Variants in ROCK2 observed in about 807,000 individuals in gnomAD.
ROCK2 encodes the protein Rho associated coiled-coil containing protein kinase 2.
In ROCK2, 61 loss-of-function variants were observed where a neutral mutation model predicts 195.1. That is an observed-to-expected ratio of 0.31 (90% CI 0.25 to 0.39). The LOEUF is 0.39. ROCK2 is among the 10% of genes least tolerant of loss of function. The pLI is 1.00. For missense variants in ROCK2, 1,109 were observed against 1,637.4 expected (o/e 0.68, Z 5.57); for synonymous variants, 504 against 545.5 (o/e 0.92, Z 1.06).
rs1664379265 is a variant in ROCK2 at position 11,215,076 on chromosome 2, G to T, written c.1700C>A (p.Thr567Asn). The T allele has an allele frequency of 6.2e-7, 1 of 1,613,888 alleles. No homozygotes were observed. Among genetic ancestry groups the T allele is most frequent in the Admixed American group, 1.7e-5 (1 of 59,990 alleles). ...AGACTCTGTTCGCAGTAAAGCATTG[G>T]TTTCATCCAGCTGTTATTCCATTCA... The part of the protein sequence containing the change: ...VNQLQRQLDE[T>N]NALLRTESDT... The change falls in exon 16 of 33, where the codon ACC (threonine) becomes AAC (asparagine). Residue 567 changes from threonine (T) to asparagine (N), a missense_variant. By Grantham distance (65) the Thr-to-Asn change is moderately conservative. Transcript: ENST00000315872.
intron 8 of ROCK2, 87 bp downstream of exon 8, chr2:11,221,996 T>A: frequency 3.9e-6 from 3 of 778,012 alleles, no homozygotes; most frequent in Middle Eastern, 4.9e-4. Flanking sequence ...TTAAGTGTTA[T>A]CAAATATGCT....
In ROCK2 at chr2:11,310,740, G is replaced by C. The variant is rs962599283; in HGVS notation, c.142-23004C>G. On this transcript the variant is annotated intron_variant, in intron 1 of 32. Transcript: ENST00000315872. ...AAGCTCAATTGAAGAAAGAATCATA[G>C]GTTGTATATACAACCTATGTCTGTT... 2.0e-5 allele frequency among the ~76,000 whole-genome samples: 3 copies of C among 151,548 alleles called. No homozygotes were observed. The South Asian group carries it at 6.3e-4, about 32-fold the overall frequency.
At position 11,244,226 on chromosome 2, in the gene ROCK2, T is replaced by C. The variant is rs552013804; in HGVS notation, c.462+5435A>G. On this transcript the variant is annotated intron_variant, in intron 4 of 32. Coordinates refer to ENST00000315872, the MANE Select transcript of ROCK2 (RefSeq NM_004850.5). ...CAATAAAAACTGTGCAGAAATTTGT[T>C]TCCTCATTATATAAATACTTATGTA... Among the ~76,000 whole-genome samples, 145 of 152,290 alleles carry C rather than the reference T, an allele frequency of 9.5e-4. 1 individual carries two copies. The highest frequency in any genetic ancestry group is 7.8e-4 in the Admixed American group (12 of 15,300).
intron 3 of ROCK2, among the ~76,000 whole-genome samples, chr2:11,284,151 G>A (rs1667108945): frequency 6.6e-6 from 1 of 152,178 alleles, no homozygotes; most frequent in South Asian, 2.1e-4. Flanking sequence ...ATGACAATCT[G>A]AAAAGGTTGC....
At chr2:11,238,902 C>A (rs1159490825) in intron 4 of ROCK2, among the ~76,000 whole-genome samples, 1 of 151,606 alleles carries the variant, frequency 6.6e-6, no homozygotes, top group Admixed American at 6.6e-5. Context: ...AACTGAGAAC[C>A]CAGAAATAAA....
chr2:11,330,122 C>T (rs1668672400), intron 1 of ROCK2, among the ~76,000 whole-genome samples: 1 of 152,160 alleles, frequency 6.6e-6, no homozygotes, highest in African/African-American at 2.4e-5. Context: ...GTTTCTAAAT[C>T]ATCCATAACA....
chr2:11,335,839 G>A (rs937476750), intron 1 of ROCK2, among the ~76,000 whole-genome samples: 4 of 152,054 alleles, frequency 2.6e-5, no homozygotes, highest in African/African-American at 4.8e-5. Context: ...AAAAAGTCAG[G>A]TATATGATGA....
chr2:11,255,898 C>T (rs755588572), intron 3 of ROCK2, among the ~76,000 whole-genome samples: 1 of 115,636 alleles, frequency 8.6e-6, no homozygotes, highest in Non-Finnish European at 1.6e-5. Flanking sequence ...CCATGCACTC[C>T]AGTCTGGATG....
At chr2:11,341,337 G>A (rs1423565784) in intron 1 of ROCK2, among the ~76,000 whole-genome samples, 1 of 152,120 alleles carries the variant, frequency 6.6e-6, no homozygotes, top group African/African-American at 2.4e-5. Context: ...AAATTATGTA[G>A]CAAGAAATAG....
chr2:11,273,209 A>G (rs973952043), intron 3 of ROCK2, among the ~76,000 whole-genome samples: 5 of 152,006 alleles, frequency 3.3e-5, no homozygotes, highest in Admixed American at 3.3e-4. Flanking sequence ...AAACTCTCCA[A>G]TCAAAAGACA....
intron 5 of ROCK2, among the ~76,000 whole-genome samples, chr2:11,230,356 T>C (rs1664960423): frequency 6.6e-6 from 1 of 152,154 alleles, no homozygotes; most frequent in Non-Finnish European, 1.5e-5. Context: ...CCTAAGGAGC[T>C]TTCACAAGAT....
At chr2:11,335,063 T>C (rs991341770) in intron 1 of ROCK2, among the ~76,000 whole-genome samples, 20 of 151,324 alleles carry the variant, frequency 1.3e-4, no homozygotes, top group Non-Finnish European at 2.2e-4. Flanking sequence ...CAAAATATTA[T>C]TGACAATGAA....
chr2:11,192,112 C>CTTT lies in ROCK2; in HGVS notation c.4163+33_4163+35dup. 1.8e-6 allele frequency: 2 copies of CTTT among 1,121,208 alleles called. No individual in the cohort carries two copies. The highest frequency in any genetic ancestry group is 3.0e-5 in the East Asian group (1 of 32,842). The allele number at this position is 1,121,208 out of a possible 1,614,324, so 69.5% of individuals were successfully genotyped here. On this transcript the variant is annotated intron_variant, in intron 32 of 32. Transcript: ENST00000315872. This position sits in a 1 kb window ranked among gnomAD's most constrained non-coding sequence, Gnocchi z 5.0. ...ATAAATAGCAAAATATTTTAATAGACTTTTTTTTTTTCCTTACCACATTTT... is the reference window on the plus strand; with the variant it reads ...ATAAATAGCAAAATATTTTAATAGACTTTTTTTTTTTTTTCCTTACCACATTTT...
At chr2:11,319,125 T>A (rs1558389920) in intron 1 of ROCK2, among the ~76,000 whole-genome samples, 1 of 152,216 alleles carries the variant, frequency 6.6e-6, no homozygotes, top group Non-Finnish European at 1.5e-5. Flanking sequence ...AAGTAGTTTT[T>A]TCCAATTCTG....
intron 6 of ROCK2, 127 bp downstream of exon 6, chr2:11,227,127 A>G (rs1278142549): frequency 2.3e-6 from 2 of 875,446 alleles, no homozygotes; most frequent in Non-Finnish European, 3.5e-6. Flanking sequence ...CTACTAATTC[A>G]AAGTTTCCAG....
chr2:11,334,605 C>A (rs1171422949), intron 1 of ROCK2, among the ~76,000 whole-genome samples: 1 of 151,224 alleles, frequency 6.6e-6, no homozygotes, highest in Non-Finnish European at 1.5e-5. Context: ...AGCTCATATT[C>A]TGTGCATTAA....
chr2:11,205,613 T>TTA (rs1553298271), intron 20 of ROCK2, among the ~76,000 whole-genome samples: 73 of 151,640 alleles, frequency 4.8e-4, no homozygotes, highest in African/African-American at 1.7e-3. Context: ...TTTTTTTTTT[T>TTA]ACCTTCTATT....
intron 1 of ROCK2, among the ~76,000 whole-genome samples, chr2:11,342,086 T>C (rs1209500962): frequency 6.6e-6 from 1 of 152,192 alleles, no homozygotes; most frequent in East Asian, 1.9e-4. Flanking sequence ...AAAAAATTTT[T>C]AAATTTCGTT....
chr2:11,242,544 A>G (rs1665464230), intron 4 of ROCK2, among the ~76,000 whole-genome samples: 1 of 152,100 alleles, frequency 6.6e-6, no homozygotes, highest in African/African-American at 2.4e-5. Context: ...AAACCAAGAT[A>G]AGCAGAATCC....
Sources: gnomAD v4.1 joint callset for allele counts (sites outside exome capture counted in the v4.1 genomes callset) on GRCh38, gnomAD v4.1.1 for gene constraint, Gnocchi (gnomAD v3.1) non-coding constraint, MANE v1.5 for transcripts, NCBI Gene and HGNC (gene_info 2026-07-23, HGNC 2026-07-21) for gene names.